Variants in NUMA1 observed in about 807,000 individuals in gnomAD.
NUMA1 encodes the protein nuclear mitotic apparatus protein 1.
NUMA1 carries 62 observed loss-of-function variants against 237.1 expected under a neutral mutation model. The ratio of observed to expected loss-of-function variants is 0.26; its 90% CI spans 0.21 to 0.32. The LOEUF is 0.32. Ranked by LOEUF, NUMA1 falls within the 10% of genes least tolerant of loss-of-function variation. NUMA1 has a pLI of 1.00. For synonymous variants in NUMA1, 1,028 were observed against 1,066.1 expected (o/e 0.96, Z 0.70); for missense variants, 2,533 against 2,666.5 (o/e 0.95, Z 1.10).
chr11:72,043,589 T>A (rs955737473), intron 2 of NUMA1, among the ~76,000 whole-genome samples: 3 of 151,128 alleles, frequency 2.0e-5, no homozygotes, highest in Non-Finnish European at 4.4e-5. Context: ...GGCACAGCAT[T>A]ATTTTAAATT....
chr11:72,073,207 A>C (rs1191721176), intron 1 of NUMA1, among the ~76,000 whole-genome samples: 1 of 151,326 alleles, frequency 6.6e-6, no homozygotes, highest in East Asian at 1.9e-4. Context: ...AAAAATCAAA[A>C]AAATTAGCCG....
Position 72,007,331 on chromosome 11 carries a change from T to C in NUMA1, c.5321A>G (p.Tyr1774Cys). Residue 1774 changes from tyrosine to cysteine, a missense_variant, in exon 21 of 27, where the codon TAC becomes TGC. Transcript: ENST00000393695. ...PPKVESLESL[Y>C]FTPIPARSQA... is the part of the protein sequence containing the mutation. ...ACTCCGAGCAGGGATGGGAGTGAAGTAGAGACTCTCCAGGGATTCTACCTT... is the reference window on the plus strand; with the variant it reads ...ACTCCGAGCAGGGATGGGAGTGAAGCAGAGACTCTCCAGGGATTCTACCTT... 6.2e-7 allele frequency: 1 copy of C among 1,613,400 alleles called. No individual in the cohort carries two copies. Among genetic ancestry groups the C allele is most frequent in the Non-Finnish European group, 8.5e-7 (1 of 1,179,766 alleles).
chr11:72,045,236 G>A (rs1442199361), intron 2 of NUMA1, among the ~76,000 whole-genome samples: 1 of 151,886 alleles, frequency 6.6e-6, no homozygotes. Flanking sequence ...GACTGTGGTG[G>A]GTGGTTGGGA....
rs1349617173 is a variant in NUMA1 at position 72,018,429 on chromosome 11, T to C, written c.827A>G (p.Lys276Arg). 4.3e-6 allele frequency: 7 copies of C among 1,613,968 alleles called. No individual in the cohort carries two copies. Among genetic ancestry groups the C allele is most frequent in the African/African-American group, 2.7e-5 (2 of 74,916 alleles). ...EKQAASPLEPKELEELRDKNE... is the reference protein window; with the variant it reads ...EKQAASPLEPRELEELRDKNE... Reference sequence around the variant, plus strand: ...CTTGTCACGCAGCTCCTCAAGCTCCTTGGGCTCCAGTGGGCTGGCCGCCTG... The same window carrying C: ...CTTGTCACGCAGCTCCTCAAGCTCCCTGGGCTCCAGTGGGCTGGCCGCCTG... Residue 276 changes from lysine (K) to arginine (R), a missense_variant, in exon 11 of 27, where the codon AAG becomes AGG. Physicochemically the swap from Lys to Arg is conservative, Grantham distance 26. Transcript: ENST00000393695.
intron 1 of NUMA1, among the ~76,000 whole-genome samples, chr11:72,078,322 C>T (rs1269746933): frequency 6.6e-6 from 1 of 152,236 alleles, no homozygotes; most frequent in Non-Finnish European, 1.5e-5. Context: ...AATTAAATGA[C>T]CACACCATAT....
intron 22 of NUMA1, chr11:72,005,719 A>G: frequency 2.0e-6 from 1 of 496,414 alleles, no homozygotes; most frequent in Non-Finnish European, 3.5e-6. Flanking sequence ...GCTTCCAAGA[A>G]GAGTCTGGCC....
At chr11:72,048,502 G>A (rs533077083) in intron 2 of NUMA1, among the ~76,000 whole-genome samples, 3 of 152,138 alleles carry the variant, frequency 2.0e-5, no homozygotes, top group Non-Finnish European at 2.9e-5. Context: ...CTCCCGAGTA[G>A]CTGGGATTAC....
intron 9 of NUMA1, 142 bp downstream of exon 9, chr11:72,019,352 G>GGGTGA: frequency 8.9e-7 from 1 of 1,120,862 alleles, no homozygotes; most frequent in Non-Finnish European, 1.3e-6. Context: ...AGTTAATACT[G>GGGTGA]GGTGAGGTGA....
Position 72,010,834 on chromosome 11 carries a change from T to C in NUMA1, c.4671A>G (p.Lys1557=). 6.2e-7 allele frequency: 1 copy of C among 1,613,892 alleles called. No individual in the cohort carries two copies. The highest frequency in any genetic ancestry group is 8.5e-7 in the Non-Finnish European group (1 of 1,179,986). The part of the protein sequence containing the change: ...QTKQVEELSK[K]LADSDQASKV... ...TGCTGGCTTGGTCAGAGTCAGCCAGTTTCTTACTCAGTTCTTCCACCTGGG... is the reference window on the plus strand; with the variant it reads ...TGCTGGCTTGGTCAGAGTCAGCCAGCTTCTTACTCAGTTCTTCCACCTGGG... Residue 1557 remains lysine (K), a synonymous_variant, in exon 17 of 27, where the codon AAA becomes AAG. Coordinates refer to ENST00000393695, the MANE Select transcript of NUMA1 (RefSeq NM_006185.4).
intron 17 of NUMA1, among the ~76,000 whole-genome samples, chr11:72,009,861 C>A (rs2134708680): frequency 6.6e-6 from 1 of 152,304 alleles, no homozygotes; most frequent in Non-Finnish European, 1.5e-5. Context: ...AGCAAATTGA[C>A]CAGAGTAACA....
At chr11:72,004,185 G>A (rs779674626) in intron 25 of NUMA1, 40 bp downstream of exon 25, 43 of 1,603,362 alleles carry the variant, frequency 2.7e-5, no homozygotes, top group African/African-American at 8.1e-5. Context: ...GCAAGGTCCC[G>A]CCAGGGCGTC....
chr11:72,003,381 G>A lies in NUMA1; in HGVS notation c.*146C>T, dbSNP rs1158655063. 2 of 790,700 alleles carry A rather than the reference G, an allele frequency of 2.5e-6. No individual in the cohort carries two copies. Among genetic ancestry groups the A allele is most frequent in the East Asian group, 2.5e-5 (1 of 39,820 alleles). The allele number at this position is 790,700 out of a possible 1,614,324, so 49.0% of individuals were successfully genotyped here. ...CAGTGAAGGACCAGGGACCAGGCCA[G>A]GGTGCGGGCAGGCATCACTGTCTCT... is the stretch of plus-strand genomic sequence containing the variant. On this transcript the variant is annotated 3_prime_UTR_variant, in exon 27 of 27. Coordinates refer to ENST00000393695, the MANE Select transcript of NUMA1 (RefSeq NM_006185.4).
chr11:72,050,472 G>A (rs536571849), intron 2 of NUMA1, among the ~76,000 whole-genome samples: 1 of 152,272 alleles, frequency 6.6e-6, no homozygotes, highest in Admixed American at 6.5e-5. Context: ...AAGTGGGAAT[G>A]GTGTCTAACA....
chr11:72,022,774 G>A (rs763750016), intron 6 of NUMA1, among the ~76,000 whole-genome samples: 1 of 151,966 alleles, frequency 6.6e-6, no homozygotes, highest in African/African-American at 2.4e-5. Flanking sequence ...GGTGATAGCC[G>A]AATGAGACCT....
chr11:72,043,814 G>A (rs1941838686), intron 2 of NUMA1, among the ~76,000 whole-genome samples: 1 of 152,032 alleles, frequency 6.6e-6, no homozygotes, highest in Non-Finnish European at 1.5e-5. Flanking sequence ...GTCTTTTTTA[G>A]TGTCAGAGTC....
intron 2 of NUMA1, among the ~76,000 whole-genome samples, chr11:72,037,581 T>C (rs1941187104): frequency 6.6e-6 from 1 of 152,260 alleles, no homozygotes; most frequent in African/African-American, 2.4e-5. Flanking sequence ...ACATGGTCCT[T>C]GCCTTTGAGG....
intron 16 of NUMA1, among the ~76,000 whole-genome samples, chr11:72,011,095 A>G (rs1240058199): frequency 6.6e-6 from 1 of 152,156 alleles, no homozygotes; most frequent in Non-Finnish European, 1.5e-5. Flanking sequence ...GTCTACCCTG[A>G]GCCTGCAGAG....
At chr11:72,045,042 G>T (rs949891995) in intron 2 of NUMA1, among the ~76,000 whole-genome samples, 9 of 152,030 alleles carry the variant, frequency 5.9e-5, no homozygotes, top group Non-Finnish European at 1.2e-4. Context: ...GCACTTATGT[G>T]TATATGCATG....
intron 2 of NUMA1, among the ~76,000 whole-genome samples, chr11:72,038,246 C>T (rs1172437277): frequency 5.3e-5 from 8 of 152,176 alleles, no homozygotes; most frequent in Non-Finnish European, 1.2e-4. Context: ...GAGGTTTAAC[C>T]AACCTCTTCA....
Sources: gnomAD v4.1 joint callset for allele counts (sites outside exome capture counted in the v4.1 genomes callset) on GRCh38, gnomAD v4.1.1 for gene constraint, MANE v1.5 for transcripts, NCBI Gene and HGNC (gene_info 2026-07-23, HGNC 2026-07-21) for gene names.